HERC4: variants seen among roughly 807,000 people sequenced by gnomAD.
HERC4 encodes HECT and RLD domain containing E3 ubiquitin protein ligase 4.
In HERC4, 28 loss-of-function variants were observed where a neutral mutation model predicts 124.3. That is an observed-to-expected ratio of 0.23 (90% CI 0.17 to 0.31). The LOEUF (loss-of-function observed/expected upper bound fraction) is 0.31. Among genes scored for constraint, HERC4 ranks in the 10% least tolerant of loss-of-function variants. The pLI is 1.00. For synonymous variants in HERC4, 407 were observed against 421.5 expected (o/e 0.97, Z 0.42); for missense variants, 713 against 1,229.3 (o/e 0.58, Z 6.28).
chr10:68,014,218 A>G, intron 8 of HERC4, 32 bp from the exon 9 acceptor site: 1 of 1,499,820 alleles, frequency 6.7e-7, no homozygotes. Context: ...CTTCAGACTT[A>G]ATGTTACCTT....
intron 10 of HERC4, 60 bp downstream of exon 10, chr10:67,992,546 T>G: frequency 8.8e-7 from 1 of 1,142,242 alleles, no homozygotes; most frequent in East Asian, 2.5e-5. Flanking sequence ...TAATAATGGG[T>G]TTTTAAAATT....
chr10:67,988,326 A>C (rs2036372911), intron 15 of HERC4, among the ~76,000 whole-genome samples: 1 of 152,150 alleles, frequency 6.6e-6, no homozygotes, highest in African/African-American at 2.4e-5. Flanking sequence ...TTCACAAGAT[A>C]ACCACTTACA....
In HERC4 at chr10:67,957,084, G is replaced by T. The variant is rs143012471; in HGVS notation, c.1927-108C>A. On this transcript the variant is annotated intron_variant, in intron 16 of 24. Transcript: ENST00000373700. ...CTACATTCTTTGTTTATTCACTCAT[G>T]TGGTTCTGGAATTACAAATAAAACA... is the stretch of plus-strand genomic sequence containing the variant. 1.5e-4 allele frequency: 87 copies of T among 582,732 alleles called. No homozygotes were observed. In the East Asian group the frequency reaches 2.4e-3, roughly 16 times the overall value. 36.1% of individuals were successfully genotyped at this position (582,732 alleles called of 1,614,324 possible).
chr10:67,928,503 A>G (rs1304071340), intron 23 of HERC4, among the ~76,000 whole-genome samples: 2 of 152,166 alleles, frequency 1.3e-5, no homozygotes, highest in African/African-American at 4.8e-5. Flanking sequence ...GGGGACATGC[A>G]TGGTCCAATT....
intron 19 of HERC4, among the ~76,000 whole-genome samples, chr10:67,950,539 G>A (rs1353471509): frequency 3.3e-5 from 5 of 152,110 alleles, no homozygotes; most frequent in Admixed American, 3.3e-4. Context: ...GCCTCCCAAA[G>A]TGCTGGGATT....
rs538179803 is a variant in HERC4, at chr10:67,922,989, G to C, written c.3092C>G (p.Thr1031Ser). The C allele has an allele frequency of 6.2e-7, 1 of 1,613,814 alleles. No homozygotes were observed. The highest frequency in any genetic ancestry group is 1.1e-5 in the South Asian group (1 of 91,070). ...LDLPKYTEKE[T>S]LRSKLIQAID... ...AGCTTGGATCAGTTTAGAGCGTAGA[G>C]TTTCTTTTTCTGTATATTTTGGAAG... Residue 1031 changes from threonine to serine, a missense_variant, in exon 25 of 25, where the codon ACT (threonine) becomes AGT (serine). Coordinates refer to ENST00000373700, the MANE Select transcript of HERC4 (RefSeq NM_015601.4).
chr10:67,982,845 C>A (rs571381193), intron 15 of HERC4, among the ~76,000 whole-genome samples: 2 of 151,920 alleles, frequency 1.3e-5, no homozygotes, highest in Non-Finnish European at 2.9e-5. Flanking sequence ...ACCAAACAGG[C>A]GGCAGGGTGC....
chr10:68,001,653 C>T (rs555966040), intron 9 of HERC4, among the ~76,000 whole-genome samples: 2 of 152,246 alleles, frequency 1.3e-5, no homozygotes, highest in East Asian at 3.9e-4. Context: ...TGTTGTGCAA[C>T]TATCACCACT....
At chr10:68,046,682 A>T (rs148121254) in intron 3 of HERC4, among the ~76,000 whole-genome samples, 49 of 152,348 alleles carry the variant, frequency 3.2e-4, no homozygotes, top group African/African-American at 1.2e-3. Context: ...ATCTTAAAAG[A>T]TAGTCCAGGC....
At chr10:67,926,406 A>C (rs571833140) in intron 23 of HERC4, among the ~76,000 whole-genome samples, 1 of 148,806 alleles carries the variant, frequency 6.7e-6, no homozygotes, top group Non-Finnish European at 1.5e-5. Flanking sequence ...TCAATAAAAA[A>C]AATAAAAAAT....
intron 23 of HERC4, among the ~76,000 whole-genome samples, chr10:67,927,420 ATATATATATATTTTTT>A (rs1208067985): frequency 7.3e-4 from 6 of 8,240 alleles, no homozygotes; most frequent in African/African-American, 2.6e-3. Context: ...ATATATATAT[ATATATATATATTTTTT>A]TTTTTTTTTA....
At chr10:67,963,972 G>T (rs474391) in intron 16 of HERC4, among the ~76,000 whole-genome samples, 25,462 of 150,968 alleles carry the variant, frequency 0.17, 2,853 homozygotes, top group Non-Finnish European at 0.26. Flanking sequence ...TCTAAAGGAA[G>T]AGTTTGAGAA....
chr10:67,988,621 A>G (rs367969936), intron 15 of HERC4, 42 bp downstream of exon 15: 3 of 1,237,732 alleles, frequency 2.4e-6, no homozygotes, highest in African/African-American at 3.1e-5. Context: ...ATCTGTTAAT[A>G]GGAATGGGGA....
chr10:68,009,172 C>T (rs1352708412), intron 9 of HERC4, among the ~76,000 whole-genome samples: 1 of 151,712 alleles, frequency 6.6e-6, no homozygotes, highest in Non-Finnish European at 1.5e-5. Context: ...TGCAGTAAAC[C>T]GAGATTGCAC....
At chr10:67,932,016 G>C (rs544862033) in intron 23 of HERC4, among the ~76,000 whole-genome samples, 17 of 152,148 alleles carry the variant, frequency 1.1e-4, no homozygotes, top group Admixed American at 7.8e-4. Context: ...GGAATGCAGT[G>C]GCACAATCTC....
At chr10:68,020,415 A>G (rs1396581288) in intron 8 of HERC4, among the ~76,000 whole-genome samples, 1 of 152,078 alleles carries the variant, frequency 6.6e-6, no homozygotes. Context: ...TAAGACGTGT[A>G]AAAAGAAAAA....
At chr10:67,957,910 C>T (rs980679957) in intron 16 of HERC4, among the ~76,000 whole-genome samples, 6 of 152,016 alleles carry the variant, frequency 3.9e-5, no homozygotes, top group Admixed American at 6.6e-5. Flanking sequence ...GGGGTTCAAG[C>T]GATTCTCCTG....
chr10:68,064,631 T>C (rs2041209930), intron 3 of HERC4, among the ~76,000 whole-genome samples: 1 of 150,574 alleles, frequency 6.6e-6, no homozygotes, highest in South Asian at 2.1e-4. Context: ...TAAATTGATA[T>C]ATATATGTTC....
chr10:67,979,390 A>T (rs2035792676), intron 15 of HERC4, among the ~76,000 whole-genome samples: 1 of 151,970 alleles, frequency 6.6e-6, no homozygotes, highest in African/African-American at 2.4e-5. Flanking sequence ...AAGCAGAAGA[A>T]AGAATTAGTG....
Sources: gnomAD v4.1 joint callset for allele counts (sites outside exome capture counted in the v4.1 genomes callset) on GRCh38, gnomAD v4.1.1 for gene constraint, MANE v1.5 for transcripts, NCBI Gene and HGNC (gene_info 2026-07-23, HGNC 2026-07-21) for gene names.